The following CPE variants were observed in gnomAD, a reference collection of about 807,000 sequenced individuals.
CPE encodes the protein carboxypeptidase E, also known as carbocypeptidase E.
A neutral mutation model predicts 53.5 loss-of-function variants in CPE; 17 were observed. The ratio of observed to expected loss-of-function variants is 0.32; its 90% CI spans 0.22 to 0.48. The LOEUF (loss-of-function observed/expected upper bound fraction) is 0.48. CPE is among the 20% of genes least tolerant of loss of function. CPE has a pLI of 0.99. For missense variants in CPE, 524 were observed against 614.7 expected, an observed-to-expected ratio of 0.85 and a Z score of 1.56; for synonymous variants, 226 against 228.8, an observed-to-expected ratio of 0.99 and a Z score of 0.11.
At chr4:165,429,918 T>G (rs2126678894) in intron 1 of CPE, among the ~76,000 whole-genome samples, 1 of 152,286 alleles carries the variant, frequency 6.6e-6, no homozygotes, top group South Asian at 2.1e-4. Flanking sequence ...TCTTAATACC[T>G]AATCCCTAAG....
intron 5 of CPE, among the ~76,000 whole-genome samples, chr4:165,485,240 G>T (rs552927934): frequency 6.6e-6 from 1 of 152,040 alleles, no homozygotes; most frequent in South Asian, 2.1e-4. Flanking sequence ...TACAGAGCTC[G>T]TATTTTCACT....
chr4:165,491,392 T>C (rs1385580344), intron 6 of CPE, among the ~76,000 whole-genome samples: 2 of 152,220 alleles, frequency 1.3e-5, no homozygotes, highest in Non-Finnish European at 2.9e-5. Context: ...CTAGCATCTT[T>C]CTAAGTTTTA....
At chr4:165,464,676 C>A in intron 2 of CPE, 90 bp downstream of exon 2, 1 of 1,147,356 alleles carries the variant, frequency 8.7e-7, no homozygotes. Context: ...TGCCCTCGCA[C>A]AAAGCTTACA....
intron 1 of CPE, among the ~76,000 whole-genome samples, chr4:165,399,619 G>T (rs1360877089): frequency 6.6e-6 from 1 of 152,136 alleles, no homozygotes; most frequent in Non-Finnish European, 1.5e-5. Flanking sequence ...TGATCCACAT[G>T]CCTTGGCCTC....
intron 7 of CPE, among the ~76,000 whole-genome samples, chr4:165,495,085 G>A (rs1377426960): frequency 3.3e-5 from 5 of 152,168 alleles, no homozygotes; most frequent in Non-Finnish European, 5.9e-5. Flanking sequence ...ATGGACTAGG[G>A]TGCCCAGTGT....
chr4:165,404,852 G>T, intron 1 of CPE: 1 of 764,940 alleles, frequency 1.3e-6, no homozygotes, highest in South Asian at 1.3e-5. Flanking sequence ...CTTGTCTGCG[G>T]GAGAGAAGTA....
In CPE at chr4:165,467,674, T is replaced by G. The variant is rs761453876; in HGVS notation, c.505-14T>G. ...GCAACTAATGATTTTTCTCTTTGAC[T>G]TTTTTTTTTTTAGCCTGGTGAACTC... On this transcript the variant is annotated splice_polypyrimidine_tract_variant and intron_variant, in intron 2 of 8. Transcript: ENST00000402744. The G allele has an allele frequency of 1.0e-5, 3 of 293,210 alleles. No individual in the cohort carries two copies. Among genetic ancestry groups the G allele is most frequent in the Non-Finnish European group, 1.6e-5 (3 of 186,602 alleles). The allele number at this position is 293,210 out of a possible 1,614,324, so 18.2% of individuals were successfully genotyped here. A position where few individuals can be genotyped will look rare whatever the true frequency, so the allele number is the denominator to read the frequency against.
intron 1 of CPE, among the ~76,000 whole-genome samples, chr4:165,434,157 A>G (rs1314978906): frequency 6.6e-6 from 1 of 152,078 alleles, no homozygotes; most frequent in African/African-American, 2.4e-5. Flanking sequence ...TTAAATAAAA[A>G]TCTTTGTGTG....
chr4:165,470,103 G>A (rs1207717927), intron 3 of CPE, among the ~76,000 whole-genome samples: 1 of 152,154 alleles, frequency 6.6e-6, no homozygotes, highest in Non-Finnish European at 1.5e-5. Context: ...GAGGCATAAG[G>A]CAGAGTGAGA....
At chr4:165,446,770 A>G (rs1731724804) in intron 1 of CPE, among the ~76,000 whole-genome samples, 1 of 152,258 alleles carries the variant, frequency 6.6e-6, no homozygotes, top group Non-Finnish European at 1.5e-5. Context: ...TTTTGGGAAA[A>G]GCTATTGAAA....
At chr4:165,424,697 C>T (rs999615993) in intron 1 of CPE, among the ~76,000 whole-genome samples, 2 of 151,872 alleles carry the variant, frequency 1.3e-5, no homozygotes, top group Non-Finnish European at 2.9e-5. Flanking sequence ...CCACGCCCGG[C>T]TAATTTTTTT....
intron 1 of CPE, among the ~76,000 whole-genome samples, chr4:165,381,794 G>A (rs543009548): frequency 1.3e-5 from 2 of 152,328 alleles, no homozygotes; most frequent in African/African-American, 2.4e-5. Context: ...CTTTAAGGAA[G>A]TTTGGAAAAA....
chr4:165,406,199 T>A, intron 1 of CPE: 1 of 682,424 alleles, frequency 1.5e-6, no homozygotes. Context: ...TTTAAATAAC[T>A]ATCACATCCC....
At chr4:165,382,044 C>G (rs1315915621) in intron 1 of CPE, among the ~76,000 whole-genome samples, 1 of 152,168 alleles carries the variant, frequency 6.6e-6, no homozygotes, top group East Asian at 1.9e-4. Flanking sequence ...GCTTGAAGAA[C>G]AGCATAAAGG....
chr4:165,497,524 C>A lies in CPE; in HGVS notation c.1345C>A (p.Leu449Met). ...TTTTCTCTTTTAGGTTGATTTTGAA[C>A]TGGAGTCATTTTCTGAAAGGAAAGA... ...YSPAAGVDFE[L>M]ESFSERKEEE... Residue 449 changes from leucine to methionine, a missense_variant, in exon 9 of 9, where the codon CTG becomes ATG. Transcript: ENST00000402744. 1 of 1,561,028 alleles carries A rather than the reference C, an allele frequency of 6.4e-7. No homozygotes were observed. Among genetic ancestry groups the A allele is most frequent in the Non-Finnish European group, 8.7e-7 (1 of 1,155,624 alleles).
chr4:165,412,565 T>C (rs13125832), intron 1 of CPE, among the ~76,000 whole-genome samples: 43,636 of 152,078 alleles, frequency 0.29, 6,410 homozygotes, highest in Middle Eastern at 0.4. Context: ...CTCAGAGTTT[T>C]CATAGTCAGG....
intron 5 of CPE, among the ~76,000 whole-genome samples, 179 bp from the exon 6 acceptor site, chr4:165,487,259 A>G (rs1470550076): frequency 2.6e-5 from 4 of 151,958 alleles, no homozygotes; most frequent in Non-Finnish European, 5.9e-5. Context: ...AGGTATAACA[A>G]CCCCCGACCT....
chr4:165,487,632 C>T, intron 6 of CPE, 55 bp downstream of exon 6: 3 of 1,590,590 alleles, frequency 1.9e-6, no homozygotes, highest in Admixed American at 1.7e-5. Context: ...CAAACCTGTC[C>T]TACAATGGTC....
chr4:165,396,431 G>C (rs181508791), intron 1 of CPE, among the ~76,000 whole-genome samples: 1 of 152,256 alleles, frequency 6.6e-6, no homozygotes, highest in African/African-American at 2.4e-5. Flanking sequence ...GCCAAGGCAG[G>C]CAGGTCACTT....
Sources: allele counts gnomAD v4.1 joint callset (sites outside exome capture counted in the v4.1 genomes callset), GRCh38; gene constraint gnomAD v4.1.1; transcripts MANE v1.5; gene names NCBI Gene and HGNC (gene_info 2026-07-23, HGNC 2026-07-21).